Variants in SHROOM3 observed in about 807,000 individuals in gnomAD.
SHROOM3 encodes the protein protein Shroom3.
Under a neutral mutation model 138.6 loss-of-function variants are expected in SHROOM3, and 47 were observed. The ratio of observed to expected loss-of-function variants is 0.34; its 90% CI spans 0.27 to 0.43. The LOEUF (loss-of-function observed/expected upper bound fraction) is 0.43, where lower values mean the gene tolerates loss of function less well. Among genes scored for constraint, SHROOM3 ranks in the 20% least tolerant of loss-of-function variants. The pLI, the probability that SHROOM3 is intolerant of heterozygous loss-of-function variation, is 1.00. For missense variants in SHROOM3, 2,491 were observed against 2,596.5 expected, an observed-to-expected ratio of 0.96 and a Z score of 0.88; for synonymous variants, 1,062 against 1,063.3, an observed-to-expected ratio of 1.00 and a Z score of 0.02.
chr4:76,592,593 G>A (rs189913867), intron 2 of SHROOM3, among the ~76,000 whole-genome samples: 113 of 152,184 alleles, frequency 7.4e-4, no homozygotes, highest in Non-Finnish European at 2.5e-4. Context: ...AGTCTATATC[G>A]TCACACGTAC....
At chr4:76,570,156 A>AACACAC (rs57079760) in intron 2 of SHROOM3, among the ~76,000 whole-genome samples, 5,262 of 149,456 alleles carry the variant, frequency 0.035, 295 homozygotes, top group African/African-American at 0.12. Context: ...GAAATGTTAA[A>AACACAC]ACACACACAC....
intron 9 of SHROOM3, among the ~76,000 whole-genome samples, chr4:76,767,689 A>G (rs1722209565): frequency 6.6e-6 from 1 of 151,316 alleles, no homozygotes; most frequent in Non-Finnish European, 1.5e-5. Flanking sequence ...AAAAAAACAA[A>G]ACAACAAAAA....
intron 1 of SHROOM3, among the ~76,000 whole-genome samples, chr4:76,448,971 A>G (rs1193527804): frequency 6.6e-6 from 1 of 152,174 alleles, no homozygotes; most frequent in African/African-American, 2.4e-5. Context: ...GATATTTTGT[A>G]GTTCTCTCTT....
intron 2 of SHROOM3, among the ~76,000 whole-genome samples, chr4:76,680,759 A>C (rs1329634838): frequency 6.6e-6 from 1 of 152,226 alleles, no homozygotes; most frequent in Non-Finnish European, 1.5e-5. Flanking sequence ...GTAAGTGGTC[A>C]TCACAAGATC....
intron 1 of SHROOM3, among the ~76,000 whole-genome samples, chr4:76,547,051 T>C (rs978553156): frequency 1.3e-5 from 2 of 152,244 alleles, no homozygotes; most frequent in East Asian, 1.9e-4. Context: ...GCGTGCCAGC[T>C]CTTTTTCTCA....
At chr4:76,566,108 C>CAAAAAAAAAAAAAAAAAA (rs1170771360) in intron 2 of SHROOM3, among the ~76,000 whole-genome samples, 1 of 59,344 alleles carries the variant, frequency 1.7e-5, no homozygotes, top group Non-Finnish European at 3.6e-5. Context: ...AACCCTGTCT[C>CAAAAAAAAAAAAAAAAAA]AAAAAAAAAA....
chr4:76,652,240 C>T (rs1337779729), intron 2 of SHROOM3, among the ~76,000 whole-genome samples: 2 of 152,174 alleles, frequency 1.3e-5, no homozygotes, highest in Admixed American at 6.5e-5. Context: ...AGAAAGATGG[C>T]TCTTCTCAAA....
chr4:76,731,682 G>A (rs1720887121), intron 4 of SHROOM3, among the ~76,000 whole-genome samples: 1 of 151,980 alleles, frequency 6.6e-6, no homozygotes, highest in South Asian at 2.1e-4. Flanking sequence ...TCGGGAGGCT[G>A]AGGCAGAAGA....
At chr4:76,496,253 C>T (rs1731966170) in intron 1 of SHROOM3, among the ~76,000 whole-genome samples, 1 of 152,182 alleles carries the variant, frequency 6.6e-6, no homozygotes, top group Non-Finnish European at 1.5e-5. Context: ...CTGGATGGGC[C>T]ATCCTCTTGG....
chr4:76,547,417 A>C lies in SHROOM3; in HGVS notation c.169-8192A>C, dbSNP rs368747571. ...CTTATTGTGTTGTTGTGACAATTTG[A>C]TGCGATAAAGTTACTGGAACACACG... On this transcript the variant is annotated intron_variant, in intron 1 of 10. Transcript: ENST00000296043. 2.6e-4 allele frequency among the ~76,000 whole-genome samples: 39 copies of C among 152,312 alleles called. No individual in the cohort carries two copies. In the South Asian group the frequency reaches 7.7e-3, roughly 30 times the overall value.
intron 1 of SHROOM3, among the ~76,000 whole-genome samples, chr4:76,499,964 G>A (rs1475009886): frequency 1.3e-5 from 2 of 152,200 alleles, no homozygotes; most frequent in Non-Finnish European, 2.9e-5. Flanking sequence ...TCTTTTGCTC[G>A]TTGTGCAACT....
chr4:76,469,854 G>T (rs1483623285), intron 1 of SHROOM3, among the ~76,000 whole-genome samples: 1 of 152,052 alleles, frequency 6.6e-6, no homozygotes, highest in African/African-American at 2.4e-5. Context: ...GATTTGAAAA[G>T]ACAAGATAAT....
rs1163783057 is a variant in SHROOM3, at chr4:76,558,682, A to G, written c.323+2919A>G. On this transcript the variant is annotated intron_variant, in intron 2 of 10. Coordinates refer to ENST00000296043, the MANE Select transcript of SHROOM3 (RefSeq NM_020859.4). ...AACCAGAATGCTACTACACTGACTC[A>G]TTTTGGAAAAGACAACTATAAGTGA... Among the ~76,000 whole-genome samples the G allele has an allele frequency of 2.6e-5, 4 of 152,346 alleles. No individual in the cohort carries two copies. The East Asian group carries it at 7.7e-4, about 29-fold the overall frequency.
At chr4:76,718,963 T>C (rs1720457352) in intron 3 of SHROOM3, among the ~76,000 whole-genome samples, 1 of 152,162 alleles carries the variant, frequency 6.6e-6, no homozygotes, top group Admixed American at 6.5e-5. Context: ...AGGAGGAAGG[T>C]TTCCTGCTTA....
At chr4:76,472,781 G>A (rs1209322100) in intron 1 of SHROOM3, among the ~76,000 whole-genome samples, 1 of 151,654 alleles carries the variant, frequency 6.6e-6, no homozygotes. Context: ...TGCAACCTCC[G>A]TGTCCTGGGT....
intron 10 of SHROOM3, among the ~76,000 whole-genome samples, chr4:76,771,595 C>T (rs1187724328): frequency 6.6e-6 from 1 of 152,280 alleles, no homozygotes; most frequent in African/African-American, 2.4e-5. Context: ...TCAGTGAGGA[C>T]GCACCAGGGT....
chr4:76,738,939 A>G lies in SHROOM3; in HGVS notation c.766A>G (p.Arg256Gly), dbSNP rs1285107173. The G allele has an allele frequency of 6.2e-7, 1 of 1,614,208 alleles. No homozygotes were observed. Among genetic ancestry groups the G allele is most frequent in the Non-Finnish European group, 8.5e-7 (1 of 1,180,022 alleles). The change falls in exon 5 of 11, where the codon AGA becomes GGA. Residue 256 changes from arginine (R) to glycine (G), a missense_variant. Transcript: ENST00000296043. ...IDQLSHFHNK[R>G]DSAYSSFSTS... ...CCAGCTCAGCCACTTCCATAACAAGAGAGACTCGGCTTACAGCTCTTTCTC... is the reference window on the plus strand; with the variant it reads ...CCAGCTCAGCCACTTCCATAACAAGGGAGACTCGGCTTACAGCTCTTTCTC...
chr4:76,597,303 G>A (rs1402114606), intron 2 of SHROOM3, among the ~76,000 whole-genome samples: 5 of 152,170 alleles, frequency 3.3e-5, no homozygotes, highest in African/African-American at 7.2e-5. Flanking sequence ...TAAAGGATTC[G>A]AGGAGTGAGT....
At chr4:76,657,234 CATT>C (rs901539512) in intron 2 of SHROOM3, among the ~76,000 whole-genome samples, 1 of 151,906 alleles carries the variant, frequency 6.6e-6, no homozygotes, top group Non-Finnish European at 1.5e-5. Flanking sequence ...TTCATTTGAT[CATT>C]ATACTAGGTT....
Sources: gnomAD v4.1 joint callset for allele counts (sites outside exome capture counted in the v4.1 genomes callset) on GRCh38, gnomAD v4.1.1 for gene constraint, MANE v1.5 for transcripts, NCBI Gene and HGNC (gene_info 2026-07-23, HGNC 2026-07-21) for gene names.